The following SLC25A38 variants were observed in gnomAD, a reference collection of about 807,000 sequenced individuals.
The protein encoded by SLC25A38 is mitochondrial glycine transporter.
A neutral mutation model predicts 33.4 loss-of-function variants in SLC25A38; 27 were observed. The ratio of observed to expected loss-of-function variants is 0.81; its 90% confidence interval spans 0.60 to 1.11. The LOEUF is 1.11. Among genes scored for constraint, SLC25A38 ranks in the 50% most tolerant of loss-of-function variants. The probability of loss-of-function intolerance (pLI) is 0.00; values close to 1 mark genes in which losing one functional copy is unlikely to be tolerated. For missense variants in SLC25A38, 344 were observed against 388.8 expected (o/e 0.88, Z 0.97); for synonymous variants, 123 against 145.9 (o/e 0.84, Z 1.13).
chr3:39,385,788 G>A (rs1164756868), intron 1 of SLC25A38, among the ~76,000 whole-genome samples: 1 of 152,264 alleles, frequency 6.6e-6, no homozygotes, highest in African/African-American at 2.4e-5. Context: ...GCAGTCATAA[G>A]GGAGATGGGG....
At position 39,391,555 on chromosome 3, in the gene SLC25A38, G is replaced by T. The variant is rs570610363; in HGVS notation, c.391G>T (p.Val131Leu). 8.1e-6 allele frequency: 13 copies of T among 1,614,212 alleles called. No individual in the cohort carries two copies. The highest frequency in any genetic ancestry group is 1.1e-5 in the Non-Finnish European group (13 of 1,180,042). ...CGCCCTGGAGTCAGTCATGCTGGGGGTGGGCTCTCGCTCTGTTGCAGGGGT... is the reference window on the plus strand; with the variant it reads ...CGCCCTGGAGTCAGTCATGCTGGGGTTGGGCTCTCGCTCTGTTGCAGGGGT... ...PTALESVMLG[V>L]GSRSVAGVCM... Residue 131 changes from valine (V) to leucine (L), a missense_variant, in exon 4 of 7, where the codon GTG (valine) becomes TTG (leucine). By Grantham distance (32) the Val-to-Leu change is conservative. This residue lies in a region of SLC25A38 where 269 missense variants were observed against 271.8 expected (regional missense o/e 0.99). Coordinates refer to ENST00000650617, the MANE Select transcript of SLC25A38 (RefSeq NM_017875.4).
rs2041676165 is a variant in SLC25A38 at position 39,383,856 on chromosome 3, G to A, written c.69+63G>A. ...ACCGCGGGCTCGGGCCGGAGAATTC[G>A]GGGCGTTGCTAAGGCTCGGCTACCC... On this transcript the variant is annotated intron_variant, in intron 1 of 6. Coordinates refer to ENST00000650617, the MANE Select transcript of SLC25A38 (RefSeq NM_017875.4). The A allele has an allele frequency of 1.9e-6, 3 of 1,584,906 alleles. No individual in the cohort carries two copies. In the African/African-American group the frequency reaches 4.0e-5, roughly 21 times the overall value.
chr3:39,384,469 T>A (rs2041686465), intron 1 of SLC25A38: 1 of 382,636 alleles, frequency 2.6e-6, no homozygotes, highest in Non-Finnish European at 4.6e-6. Flanking sequence ...CTGCCGCAGC[T>A]CTCCCTCTGA....
rs948533906 is a variant in SLC25A38, at chr3:39,391,579, G to T, written c.415G>T (p.Val139Phe). The T allele has an allele frequency of 1.2e-6, 2 of 1,614,174 alleles. No individual in the cohort carries two copies. Among genetic ancestry groups the T allele is most frequent in the Non-Finnish European group, 1.7e-6 (2 of 1,180,026 alleles). Residue 139 changes from valine (V) to phenylalanine (F), a missense_variant, in exon 4 of 7, where the codon GTC becomes TTC. This residue lies in a region of SLC25A38 where 269 missense variants were observed against 271.8 expected (regional missense o/e 0.99). Transcript: ENST00000650617. Reference protein sequence around the residue: ...LGVGSRSVAGVCMSPITVIKT... With the variant: ...LGVGSRSVAGFCMSPITVIKT... Reference sequence around the variant, plus strand: ...GGTGGGCTCTCGCTCTGTTGCAGGGGTCTGTATGTCACCTATCACTGTAAT... The same window carrying T: ...GGTGGGCTCTCGCTCTGTTGCAGGGTTCTGTATGTCACCTATCACTGTAAT...
chr3:39,392,770 G>T (rs1025908922), intron 5 of SLC25A38, among the ~76,000 whole-genome samples: 3 of 152,192 alleles, frequency 2.0e-5, no homozygotes, highest in Admixed American at 6.5e-5. Flanking sequence ...CAGCATGCCC[G>T]CCATCATGAC....
rs1202882838 is a variant in SLC25A38 at position 39,389,408 on chromosome 3, A to G, written c.70-87A>G. ...CCACCAGGTAAGTGTCTAAGAGACC[A>G]TTATAAAGGAATTTGCTGGTCAGGT... On this transcript the variant is annotated intron_variant, in intron 1 of 6. Coordinates refer to ENST00000650617, the MANE Select transcript of SLC25A38 (RefSeq NM_017875.4). This position sits in a 1 kb window ranked among gnomAD's most constrained non-coding sequence, Gnocchi z 4.5. The G allele has an allele frequency of 3.1e-6, 5 of 1,605,566 alleles. No individual in the cohort carries two copies. Among genetic ancestry groups the G allele is most frequent in the Admixed American group, 3.3e-5 (2 of 59,702 alleles).
chr3:39,390,513 C>A lies in SLC25A38; in HGVS notation c.276+6C>A. 3 of 1,614,018 alleles carry A rather than the reference C, an allele frequency of 1.9e-6. No individual in the cohort carries two copies. The highest frequency in any genetic ancestry group is 1.7e-6 in the Non-Finnish European group (2 of 1,179,916). ...TTTGGAAAGGGATGTCCCCTGTAAGCTGCCATCTGGGTCTAGGTTCCCTAG... is the reference window on the plus strand; with the variant it reads ...TTTGGAAAGGGATGTCCCCTGTAAGATGCCATCTGGGTCTAGGTTCCCTAG... On this transcript the variant is annotated splice_donor_region_variant and intron_variant, in intron 3 of 6. Transcript: ENST00000650617.
chr3:39,393,041 T>G (rs1053452165), intron 5 of SLC25A38, among the ~76,000 whole-genome samples: 2 of 152,218 alleles, frequency 1.3e-5, no homozygotes, highest in African/African-American at 4.8e-5. Flanking sequence ...TCTCAGCACT[T>G]TGGGAGGCCG....
intron 6 of SLC25A38, among the ~76,000 whole-genome samples, chr3:39,395,654 G>C (rs530462130): frequency 6.6e-6 from 1 of 152,000 alleles, no homozygotes; most frequent in East Asian, 1.9e-4. Context: ...TTAATATGAA[G>C]AGAGGGCCAC....
At chr3:39,390,548 C>T in intron 3 of SLC25A38, 41 bp downstream of exon 3, 1 of 1,584,500 alleles carries the variant, frequency 6.3e-7, no homozygotes, top group Non-Finnish European at 8.7e-7. Flanking sequence ...GCATCCACTC[C>T]TTAATAACCA....
At chr3:39,396,325 C>A in intron 6 of SLC25A38, 73 bp from the exon 7 acceptor site, 2 of 1,606,342 alleles carry the variant, frequency 1.2e-6, no homozygotes, top group Non-Finnish European at 1.7e-6. Context: ...GAGACCCTCA[C>A]TGTGGTACCA....
At chr3:39,384,499 G>A in intron 1 of SLC25A38, 1 of 389,398 alleles carries the variant, frequency 2.6e-6, no homozygotes, top group East Asian at 3.6e-5. Flanking sequence ...CCCGAGGTAG[G>A]GGCGGCTTTT....
intron 3 of SLC25A38, 61 bp downstream of exon 3, chr3:39,390,568 C>A: frequency 6.6e-7 from 1 of 1,516,414 alleles, no homozygotes; most frequent in South Asian, 1.1e-5. Flanking sequence ...AGCTATTTCT[C>A]ATCTACCTTA....
chr3:39,388,146 A>G (rs1293549451), intron 1 of SLC25A38, among the ~76,000 whole-genome samples: 3 of 152,226 alleles, frequency 2.0e-5, no homozygotes, highest in Admixed American at 1.3e-4. Context: ...GGGAGAGACT[A>G]GAAACACAGA....
chr3:39,389,651 G>A lies in SLC25A38; in HGVS notation c.191+35G>A. 1 of 1,614,098 alleles carries A rather than the reference G, an allele frequency of 6.2e-7. No individual in the cohort carries two copies. The highest frequency in any genetic ancestry group is 8.5e-7 in the Non-Finnish European group (1 of 1,179,988). On this transcript the variant is annotated intron_variant, in intron 2 of 6. Transcript: ENST00000650617. This position sits in a 1 kb window ranked among gnomAD's most constrained non-coding sequence, Gnocchi z 4.5. ...GCATTTCATTGGGGAACTGATTTCA[G>A]CAACTTCTCAGACACAGGAACATCT...
rs774807066 is a variant in SLC25A38 at position 39,389,952 on chromosome 3, G to C, written c.191+336G>C. Among the ~76,000 whole-genome samples the C allele has an allele frequency of 6.6e-6, 1 of 152,078 alleles. No individual in the cohort carries two copies. Among genetic ancestry groups the C allele is most frequent in the Non-Finnish European group, 1.5e-5 (1 of 68,010 alleles). On this transcript the variant is annotated intron_variant, in intron 2 of 6. Coordinates refer to ENST00000650617, the MANE Select transcript of SLC25A38 (RefSeq NM_017875.4). This position sits in a 1 kb window ranked among gnomAD's most constrained non-coding sequence, Gnocchi z 4.5. Reference sequence around the variant, plus strand: ...ATCTGTTTTTGTTTTTGTTTTATTTGTTTTTTGAGGCAGATGCTCGCTCTG... The same window carrying C: ...ATCTGTTTTTGTTTTTGTTTTATTTCTTTTTTGAGGCAGATGCTCGCTCTG...
rs67353739 is a variant in SLC25A38 at position 39,394,816 on chromosome 3, T to C, written c.792+240T>C. ...ACAAAATTGATATTTCTTTGAGGGG[T>C]GGAGACACTTACATTAGGAACACCT... On this transcript the variant is annotated intron_variant, in intron 6 of 6. Transcript: ENST00000650617. 0.27 allele frequency among the ~76,000 whole-genome samples: 40,642 copies of C among 152,004 alleles called. 5,998 individuals are homozygous for C. Among genetic ancestry groups the C allele is most frequent in the Non-Finnish European group, 0.32 (21,735 of 67,976 alleles).
rs765803981 is a variant in SLC25A38, at chr3:39,389,355, C to T, written c.70-140C>T. 51 of 1,342,898 alleles carry T rather than the reference C, an allele frequency of 3.8e-5. No individual in the cohort carries two copies. The highest frequency in any genetic ancestry group is 5.2e-5 in the Non-Finnish European group (49 of 948,662). The allele number at this position is 1,342,898 out of a possible 1,614,324, so 83.2% of individuals were successfully genotyped here. A position where few individuals can be genotyped will look rare whatever the true frequency, so the allele number is the denominator to read the frequency against. ...TAATTTCTGGCTATACTTTTTCCTT[C>T]TCCGAGGTATGAAGAAAACATGAGG... On this transcript the variant is annotated intron_variant, in intron 1 of 6. Coordinates refer to ENST00000650617, the MANE Select transcript of SLC25A38 (RefSeq NM_017875.4). The surrounding 1 kb of genome is among the most constrained non-coding windows in gnomAD (Gnocchi z 4.5).
rs534930022 is a variant in SLC25A38, at chr3:39,385,038, G to C, written c.69+1245G>C. ...GCTGGTCTTGAACTCCTGACCTCAA[G>C]TGATCCGTCTGCCTCGGCCTCCTAA... On this transcript the variant is annotated intron_variant, in intron 1 of 6. Coordinates refer to ENST00000650617, the MANE Select transcript of SLC25A38 (RefSeq NM_017875.4). Among the ~76,000 whole-genome samples, 178 of 152,240 alleles carry C rather than the reference G, an allele frequency of 1.2e-3. 5 individuals are homozygous for C. In the Middle Eastern group the frequency reaches 0.017, roughly 15 times the overall value.
Sources: allele counts gnomAD v4.1 joint callset (sites outside exome capture counted in the v4.1 genomes callset), GRCh38; gene constraint gnomAD v4.1.1; regional missense constraint gnomAD v4.1.1; non-coding constraint Gnocchi (gnomAD v3.1); transcripts MANE v1.5; gene names NCBI Gene and HGNC (gene_info 2026-07-23, HGNC 2026-07-21).